The following MLLT3 variants were observed in gnomAD, a reference collection of about 807,000 sequenced individuals.
MLLT3 encodes the protein protein AF-9.
A neutral mutation model predicts 53.2 loss-of-function variants in MLLT3; 4 were observed. That is an observed-to-expected ratio of 0.08 (90% CI 0.04 to 0.17). MLLT3 has a LOEUF of 0.17. Among genes scored for constraint, MLLT3 ranks in the 10% least tolerant of loss-of-function variants. MLLT3 has a pLI of 1.00. For synonymous variants in MLLT3, 283 were observed against 230.6 expected, an observed-to-expected ratio of 1.23 and a Z score of -2.06; for missense variants, 569 against 684.0, an observed-to-expected ratio of 0.83 and a Z score of 1.87.
chr9:20,423,142 T>C lies in MLLT3; in HGVS notation c.421-8717A>G, dbSNP rs79725846. 6.8e-4 allele frequency among the ~76,000 whole-genome samples: 103 copies of C among 152,258 alleles called. No homozygotes were observed. In the East Asian group the frequency reaches 0.016, roughly 23 times the overall value. On this transcript the variant is annotated intron_variant, in intron 4 of 10. Coordinates refer to ENST00000380338, the MANE Select transcript of MLLT3 (RefSeq NM_004529.4). ...ACCTTCTAGGCTCAAGTGATCCTCCTTCCTCACCCCTTGCAAGTAGCTGTG... is the reference window on the plus strand; with the variant it reads ...ACCTTCTAGGCTCAAGTGATCCTCCCTCCTCACCCCTTGCAAGTAGCTGTG...
At chr9:20,601,881 AT>A (rs1308744755) in intron 2 of MLLT3, among the ~76,000 whole-genome samples, 1 of 152,148 alleles carries the variant, frequency 6.6e-6, no homozygotes, top group East Asian at 1.9e-4. Context: ...AATAGGTCTG[AT>A]TTCTGGCCAG....
chr9:20,432,300 G>A (rs1823291360), intron 4 of MLLT3, among the ~76,000 whole-genome samples: 1 of 152,154 alleles, frequency 6.6e-6, no homozygotes, highest in South Asian at 2.1e-4. Context: ...AAAAGAGACA[G>A]AGTTTGATTA....
At chr9:20,614,894 A>T (rs1175385072) in intron 2 of MLLT3, among the ~76,000 whole-genome samples, 5 of 107,846 alleles carry the variant, frequency 4.6e-5, no homozygotes, top group Non-Finnish European at 1.1e-4. Context: ...ACTTCAAAGA[A>T]CCAAGAGAAG....
At chr9:20,356,425 T>C (rs541981149) in intron 8 of MLLT3, among the ~76,000 whole-genome samples, 28 of 152,186 alleles carry the variant, frequency 1.8e-4, no homozygotes, top group African/African-American at 6.3e-4. Flanking sequence ...TCCTCCTCCA[T>C]TGTTGTTGAA....
intron 2 of MLLT3, among the ~76,000 whole-genome samples, chr9:20,570,273 T>A (rs1277809341): frequency 6.6e-6 from 1 of 152,166 alleles, no homozygotes; most frequent in Non-Finnish European, 1.5e-5. Flanking sequence ...ACAGTCAGAA[T>A]TCCAAAGAAT....
chr9:20,524,941 C>T (rs1263370376), intron 2 of MLLT3, among the ~76,000 whole-genome samples: 1 of 151,940 alleles, frequency 6.6e-6, no homozygotes, highest in African/African-American at 2.4e-5. Context: ...GGAGCAGGAA[C>T]CCTGTCAGGC....
chr9:20,571,274 ACTT>A (rs1819525871), intron 2 of MLLT3, among the ~76,000 whole-genome samples: 2 of 152,306 alleles, frequency 1.3e-5, no homozygotes, highest in South Asian at 4.1e-4. Flanking sequence ...CTCAAACTAA[ACTT>A]CTGCATAGTG....
At chr9:20,391,791 A>T (rs999598949) in intron 5 of MLLT3, among the ~76,000 whole-genome samples, 1 of 152,218 alleles carries the variant, frequency 6.6e-6, no homozygotes, top group African/African-American at 2.4e-5. Context: ...TCTCAAGCTT[A>T]AGTTAGTAGA....
At chr9:20,364,723 A>C (rs1240964801) in intron 6 of MLLT3, among the ~76,000 whole-genome samples, 1 of 152,218 alleles carries the variant, frequency 6.6e-6, no homozygotes, top group East Asian at 1.9e-4. Context: ...AACACATACA[A>C]CAATTTAATC....
intron 2 of MLLT3, among the ~76,000 whole-genome samples, chr9:20,484,795 T>C (rs1824764169): frequency 6.6e-6 from 1 of 152,098 alleles, no homozygotes. Flanking sequence ...AAATGTTTAA[T>C]GAAATACTGA....
intron 1 of MLLT3, 172 bp downstream of exon 1, chr9:20,622,073 G>GC (rs1207556143): frequency 5.5e-6 from 1 of 182,032 alleles, no homozygotes; most frequent in Non-Finnish European, 9.8e-6. Context: ...GCCGGGGGGG[G>GC]GTGGGGGAGG....
At chr9:20,369,911 C>T (rs961460987) in intron 5 of MLLT3, among the ~76,000 whole-genome samples, 4 of 152,132 alleles carry the variant, frequency 2.6e-5, no homozygotes, top group Non-Finnish European at 5.9e-5. Context: ...ACATGTAGGG[C>T]GTGCACATGT....
At position 20,569,711 on chromosome 9, in the gene MLLT3, A is replaced by G. The variant is rs149258893; in HGVS notation, c.193+50943T>C. Among the ~76,000 whole-genome samples, 779 of 152,282 alleles carry G rather than the reference A, an allele frequency of 5.1e-3. 4 individuals are homozygous for G. The highest frequency in any genetic ancestry group is 0.011 in the Admixed American group (171 of 15,282). ...TCTAAAGGTTTGGAGTGAAGAGACC[A>G]TTCCAAATCCCAGTTTCTCCACTCA... On this transcript the variant is annotated intron_variant, in intron 2 of 10. Coordinates refer to ENST00000380338, the MANE Select transcript of MLLT3 (RefSeq NM_004529.4).
intron 2 of MLLT3, among the ~76,000 whole-genome samples, chr9:20,494,067 C>G (rs562959739): frequency 6.6e-6 from 1 of 152,126 alleles, no homozygotes; most frequent in East Asian, 1.9e-4. Context: ...GCAATCAGTT[C>G]CTAAGTTTTC....
chr9:20,545,856 C>CAAAAAAAAA (rs5896901), intron 2 of MLLT3, among the ~76,000 whole-genome samples: 2 of 99,838 alleles, frequency 2.0e-5, no homozygotes, highest in African/African-American at 8.8e-5. Flanking sequence ...CAGTCTCTAC[C>CAAAAAAAAA]AAAAAAAAAA....
chr9:20,352,218 G>C (rs1007283264), intron 10 of MLLT3, among the ~76,000 whole-genome samples: 1 of 152,208 alleles, frequency 6.6e-6, no homozygotes, highest in African/African-American at 2.4e-5. Context: ...TCCCAACCCT[G>C]CACAAACATC....
At chr9:20,432,842 T>C (rs1457180838) in intron 4 of MLLT3, among the ~76,000 whole-genome samples, 1 of 152,136 alleles carries the variant, frequency 6.6e-6, no homozygotes, top group Non-Finnish European at 1.5e-5. Flanking sequence ...TGTATGCTTT[T>C]GTTTTTAAAT....
In MLLT3 at chr9:20,563,796, C is replaced by A. The variant is rs549874532; in HGVS notation, c.193+56858G>T. On this transcript the variant is annotated intron_variant, in intron 2 of 10. Coordinates refer to ENST00000380338, the MANE Select transcript of MLLT3 (RefSeq NM_004529.4). ...CTTTATGTGGGAAAGACGTTGGCGT[C>A]CAACACTGCTATAATAAGAAAAAGG... Among the ~76,000 whole-genome samples, 244 of 152,120 alleles carry A rather than the reference C, an allele frequency of 1.6e-3. 2 individuals are homozygous for A. The highest frequency in any genetic ancestry group is 5.7e-3 in the African/African-American group (237 of 41,484).
chr9:20,437,191 G>A (rs937312478), intron 4 of MLLT3, among the ~76,000 whole-genome samples: 1 of 151,870 alleles, frequency 6.6e-6, no homozygotes, highest in Admixed American at 6.6e-5. Context: ...ATTTCTATAG[G>A]TGTCACTATT....
Sources: gnomAD v4.1 joint callset for allele counts (sites outside exome capture counted in the v4.1 genomes callset) on GRCh38, gnomAD v4.1.1 for gene constraint, MANE v1.5 for transcripts, NCBI Gene and HGNC (gene_info 2026-07-23, HGNC 2026-07-21) for gene names.